Variants in TSPAN33 observed in about 807,000 individuals in gnomAD.
TSPAN33 encodes the protein tetraspanin 33, also known as tetraspanin-33.
Under a neutral mutation model 34.8 loss-of-function variants are expected in TSPAN33, and 27 were observed. The ratio of observed to expected loss-of-function variants is 0.78; its 90% CI spans 0.57 to 1.07. The LOEUF (loss-of-function observed/expected upper bound fraction) is 1.07. Ranked by LOEUF, TSPAN33 falls within the 50% of genes least tolerant of loss-of-function variation. The pLI is 0.00. For missense variants in TSPAN33, 272 were observed against 324.9 expected (o/e 0.84, Z 1.25); for synonymous variants, 119 against 124.2 (o/e 0.96, Z 0.28).
rs966060491 is a variant in TSPAN33 at position 129,162,587 on chromosome 7, C to T, written c.288+66C>T. 18 of 1,595,664 alleles carry T rather than the reference C, an allele frequency of 1.1e-5. 1 individual carries two copies. Among genetic ancestry groups the T allele is most frequent in the South Asian group, 4.4e-5 (4 of 89,950 alleles). ...CCCCATCATGCCTCTTAGCCTCCCA[C>T]GGCCCTTTGGTTGCCTTGTCCTACC... On this transcript the variant is annotated intron_variant, in intron 3 of 7. Coordinates refer to ENST00000486685, the MANE Select transcript of TSPAN33 (RefSeq NM_178562.5).
Position 129,167,976 on chromosome 7 carries a change from C to T in TSPAN33, c.*102C>T. 6.6e-7 allele frequency: 1 copy of T among 1,504,516 alleles called. No homozygotes were observed. Among genetic ancestry groups the T allele is most frequent in the Non-Finnish European group, 8.9e-7 (1 of 1,128,524 alleles). The allele number at this position is 1,504,516 out of a possible 1,614,324, so 93.2% of individuals were successfully genotyped here. A position where few individuals can be genotyped will look rare whatever the true frequency, so the allele number is the denominator to read the frequency against. On this transcript the variant is annotated 3_prime_UTR_variant, in exon 8 of 8. Coordinates refer to ENST00000486685, the MANE Select transcript of TSPAN33 (RefSeq NM_178562.5). This position sits in a 1 kb window ranked among gnomAD's most constrained non-coding sequence, Gnocchi z 4.6. ...CCAAATGGAGATTTGGATTCCAGCC[C>T]CCCAGTGACAGCCCAGTGGGAAGAA...
chr7:129,157,383 T>TG (rs58834546), intron 1 of TSPAN33, among the ~76,000 whole-genome samples: 2 of 151,452 alleles, frequency 1.3e-5, no homozygotes, highest in Admixed American at 1.3e-4. Flanking sequence ...GGGGCAGGAA[T>TG]GGGGGTGTGC....
intron 1 of TSPAN33, among the ~76,000 whole-genome samples, chr7:129,146,142 G>C (rs1810517184): frequency 6.6e-6 from 1 of 152,102 alleles, no homozygotes; most frequent in South Asian, 2.1e-4. Context: ...ACTTGCAGGA[G>C]GGAAGAATTG....
In TSPAN33 at chr7:129,148,721, A is replaced by G. The variant is rs751544228; in HGVS notation, c.102+3639A>G. Among the ~76,000 whole-genome samples the G allele has an allele frequency of 3.9e-5, 6 of 152,168 alleles. No individual in the cohort carries two copies. The highest frequency in any genetic ancestry group is 7.3e-5 in the Non-Finnish European group (5 of 68,032). On this transcript the variant is annotated intron_variant, in intron 1 of 7. Transcript: ENST00000486685. The surrounding 1 kb of genome is among the most constrained non-coding windows in gnomAD (Gnocchi z 4.2). ...TCAGAGCCACACGTACTTACTGCCT[A>G]CAGCATCTGGATTTTCTCACTTCCA... is the stretch of plus-strand genomic sequence containing the variant.
chr7:129,155,179 C>G (rs1810649947), intron 1 of TSPAN33, among the ~76,000 whole-genome samples: 1 of 152,152 alleles, frequency 6.6e-6, no homozygotes, highest in Non-Finnish European at 1.5e-5. Context: ...TGCATGTTCT[C>G]ACTCATATTT....
At chr7:129,162,734 C>A in intron 3 of TSPAN33, 99 bp from the exon 4 acceptor site, 1 of 1,466,932 alleles carries the variant, frequency 6.8e-7, no homozygotes, top group Non-Finnish European at 9.3e-7. Context: ...TGTGGGGCAT[C>A]TGGGAGAATT....
intron 1 of TSPAN33, among the ~76,000 whole-genome samples, chr7:129,157,965 A>G (rs1025527788): frequency 6.6e-6 from 1 of 152,234 alleles, no homozygotes; most frequent in Non-Finnish European, 1.5e-5. Context: ...TCACCGGGCT[A>G]AAATCAAACA....
intron 1 of TSPAN33, among the ~76,000 whole-genome samples, chr7:129,150,753 G>C (rs1036062034): frequency 6.6e-6 from 1 of 152,094 alleles, no homozygotes; most frequent in Non-Finnish European, 1.5e-5. Context: ...CCCTGTAAAT[G>C]CTCCTAGAGG....
chr7:129,156,176 G>C (rs190821010), intron 1 of TSPAN33, among the ~76,000 whole-genome samples: 2 of 152,178 alleles, frequency 1.3e-5, no homozygotes, highest in Non-Finnish European at 2.9e-5. Context: ...GAACTTGCCT[G>C]CTGTTTTACT....
intron 1 of TSPAN33, among the ~76,000 whole-genome samples, chr7:129,159,280 C>T (rs1016684685): frequency 3.9e-5 from 6 of 152,218 alleles, no homozygotes; most frequent in African/African-American, 1.4e-4. Flanking sequence ...AGGCTGGTCC[C>T]AAACTCCTGA....
At chr7:129,150,872 C>T (rs1810584260) in intron 1 of TSPAN33, among the ~76,000 whole-genome samples, 1 of 152,070 alleles carries the variant, frequency 6.6e-6, no homozygotes, top group Non-Finnish European at 1.5e-5. Context: ...AGCCTTTGCT[C>T]AACCCTCTTT....
rs1428331939 is a variant in TSPAN33 at position 129,167,050 on chromosome 7, A to C, written c.588+144A>C. ...CTGTCAGGTGTTTTTCTTCACCCCA[A>C]CCTGATGCTTCTATTAACCTCATAC... On this transcript the variant is annotated intron_variant, in intron 6 of 7. Coordinates refer to ENST00000486685, the MANE Select transcript of TSPAN33 (RefSeq NM_178562.5). This position sits in a 1 kb window ranked among gnomAD's most constrained non-coding sequence, Gnocchi z 4.6. 2.1e-6 allele frequency: 2 copies of C among 965,700 alleles called. No individual in the cohort carries two copies. The highest frequency in any genetic ancestry group is 3.1e-6 in the Non-Finnish European group (2 of 644,696). 59.8% of individuals were successfully genotyped at this position (965,700 alleles called of 1,614,324 possible).
chr7:129,157,353 G>A (rs1810676843), intron 1 of TSPAN33, among the ~76,000 whole-genome samples: 1 of 152,002 alleles, frequency 6.6e-6, no homozygotes, highest in Admixed American at 6.6e-5. Context: ...GTAGCTTTGA[G>A]GAATCCAGGG....
intron 4 of TSPAN33, among the ~76,000 whole-genome samples, chr7:129,164,053 G>T (rs532521892): frequency 6.6e-6 from 1 of 152,240 alleles, no homozygotes; most frequent in South Asian, 2.1e-4. Flanking sequence ...ATCCTGAAAT[G>T]ATGTATTAAA....
At chr7:129,160,778 A>C (rs1379636201) in intron 1 of TSPAN33, among the ~76,000 whole-genome samples, 3 of 152,226 alleles carry the variant, frequency 2.0e-5, no homozygotes, top group Non-Finnish European at 4.4e-5. Flanking sequence ...GGGAGTATGC[A>C]ACCGCCCAGG....
In TSPAN33 at chr7:129,148,975, G is replaced by A. The variant is rs1810555841; in HGVS notation, c.102+3893G>A. Among the ~76,000 whole-genome samples the A allele has an allele frequency of 6.6e-6, 1 of 152,066 alleles. No individual in the cohort carries two copies. Among genetic ancestry groups the A allele is most frequent in the South Asian group, 2.1e-4 (1 of 4,820 alleles). On this transcript the variant is annotated intron_variant, in intron 1 of 7. Transcript: ENST00000486685. This position sits in a 1 kb window ranked among gnomAD's most constrained non-coding sequence, Gnocchi z 4.2. ...GGCAAAAACCTCTTCTAAGTGGCAG[G>A]GGCCCTTTCTGCCATCCAACCCCCT...
intron 2 of TSPAN33, among the ~76,000 whole-genome samples, chr7:129,161,989 C>G (rs1185632255): frequency 6.6e-6 from 1 of 152,194 alleles, no homozygotes; most frequent in Admixed American, 6.5e-5. Context: ...AGGTAGGCCC[C>G]TGGGAGCAGA....
chr7:129,167,923 C>T lies in TSPAN33; in HGVS notation c.*49C>T, dbSNP rs141849051. On this transcript the variant is annotated 3_prime_UTR_variant, in exon 8 of 8. Transcript: ENST00000486685. The surrounding 1 kb of genome is among the most constrained non-coding windows in gnomAD (Gnocchi z 4.6). ...CATGGAAACTGGCAAGCCTCATAAACGAACAGCAGTGGGTGCTGAAAGCAG... is the reference window on the plus strand; with the variant it reads ...CATGGAAACTGGCAAGCCTCATAAATGAACAGCAGTGGGTGCTGAAAGCAG... 97 of 1,601,262 alleles carry T rather than the reference C, an allele frequency of 6.1e-5. No homozygotes were observed. Among genetic ancestry groups the T allele is most frequent in the Non-Finnish European group, 7.8e-5 (92 of 1,174,270 alleles).
In TSPAN33 at chr7:129,167,437, C is replaced by T; in HGVS notation, c.627C>T (p.Ala209=). ...INTMCGQGMQ[A]FDYLEASKVI... ...CTATGTGTGGCCAAGGTATGCAGGC[C>T]TTTGACTACTTGGAAGCTAGCAAAG... The change falls in exon 7 of 8, where the codon GCC becomes GCT. Residue 209 remains alanine (A), a synonymous_variant. Coordinates refer to ENST00000486685, the MANE Select transcript of TSPAN33 (RefSeq NM_178562.5). The surrounding 1 kb of genome is among the most constrained non-coding windows in gnomAD (Gnocchi z 4.6). 3.7e-6 allele frequency: 6 copies of T among 1,614,172 alleles called. No individual in the cohort carries two copies. The highest frequency in any genetic ancestry group is 5.1e-6 in the Non-Finnish European group (6 of 1,180,000).
Sources: gnomAD v4.1 joint callset for allele counts (sites outside exome capture counted in the v4.1 genomes callset) on GRCh38, gnomAD v4.1.1 for gene constraint, Gnocchi (gnomAD v3.1) non-coding constraint, MANE v1.5 for transcripts, NCBI Gene and HGNC (gene_info 2026-07-23, HGNC 2026-07-21) for gene names.